The following HELB variants were observed in gnomAD, a reference collection of about 807,000 sequenced individuals.
HELB encodes the protein DNA 5'-3' helicase B.
Under a neutral mutation model 101.7 loss-of-function variants are expected in HELB, and 96 were observed. That is an observed-to-expected ratio of 0.94 (90% CI 0.80 to 1.12). The LOEUF (loss-of-function observed/expected upper bound fraction) is 1.12, where lower values mean the gene tolerates loss of function less well. HELB is among the 50% of genes most tolerant of loss of function. The pLI is 0.00. For synonymous variants in HELB, 437 were observed against 459.7 expected (o/e 0.95, Z 0.63); for missense variants, 1,210 against 1,291.9 (o/e 0.94, Z 0.97).
chr12:66,320,860 T>C (rs1039101586), intron 7 of HELB, among the ~76,000 whole-genome samples: 3 of 151,974 alleles, frequency 2.0e-5, no homozygotes, highest in African/African-American at 4.8e-5. Context: ...GTGAGAAAAA[T>C]GTATATCTTA....
chr12:66,314,221 G>C (rs1257572400), intron 5 of HELB, 58 bp downstream of exon 5: 1 of 1,459,506 alleles, frequency 6.9e-7, no homozygotes, highest in East Asian at 2.7e-5. Flanking sequence ...TGGTTAGTTG[G>C]TTGTTTACAC....
intron 3 of HELB, 43 bp from the exon 4 acceptor site, chr12:66,309,663 A>G (rs932741297): frequency 1.5e-6 from 2 of 1,311,018 alleles, no homozygotes; most frequent in Non-Finnish European, 2.1e-6. Flanking sequence ...ATTCATAAAC[A>G]CTTATGATGT....
intron 6 of HELB, among the ~76,000 whole-genome samples, chr12:66,318,345 C>T (rs2053633070): frequency 6.6e-6 from 1 of 152,134 alleles, no homozygotes; most frequent in African/African-American, 2.4e-5. Context: ...ACCAGGTTTT[C>T]AGAATGGTGC....
Position 66,338,069 on chromosome 12 carries a change from A to G in HELB, c.3231A>G (p.Gln1077=). The change falls in exon 13 of 13, where the codon CAA becomes CAG. Residue 1077 remains glutamine (Q), a synonymous_variant. Coordinates refer to ENST00000247815, the MANE Select transcript of HELB (RefSeq NM_001370285.1). ...GACTGAATAATTTAATTCCCAGGCAACTTTTCAAGCCCACCGATAATCAAG... is the reference window on the plus strand; with the variant it reads ...GACTGAATAATTTAATTCCCAGGCAGCTTTTCAAGCCCACCGATAATCAAG... ...NLRLNNLIPR[Q]LFKPTDNQET 6.2e-7 allele frequency: 1 copy of G among 1,602,436 alleles called. No homozygotes were observed. The highest frequency in any genetic ancestry group is 1.3e-5 in the African/African-American group (1 of 74,756).
At chr12:66,328,950 C>A (rs1336757007) in intron 11 of HELB, among the ~76,000 whole-genome samples, 2 of 152,004 alleles carry the variant, frequency 1.3e-5, no homozygotes, top group Admixed American at 1.3e-4. Flanking sequence ...CAGTGCTGTT[C>A]TAGACTATTT....
downstream of HELB, chr12:66,339,102 A>G (rs564298111): frequency 6.6e-6 from 1 of 152,318 alleles, no homozygotes; most frequent in South Asian, 2.1e-4. Context: ...TAAACATGTG[A>G]GAGTTATTTA....
chr12:66,339,448 T>C (rs909947547), downstream of HELB: 3 of 151,584 alleles, frequency 2.0e-5, no homozygotes, highest in African/African-American at 7.3e-5. Context: ...ACCTGGAACA[T>C]TTTCATACCC....
intron 11 of HELB, among the ~76,000 whole-genome samples, chr12:66,330,721 C>T (rs2053795842): frequency 6.7e-6 from 1 of 148,236 alleles, no homozygotes. Context: ...TTTATCATTA[C>T]ATGTAATATT....
In HELB at chr12:66,309,747, T is replaced by C; in HGVS notation, c.819T>C (p.Ser273=). Residue 273 remains serine, a synonymous_variant, in exon 4 of 13, where the codon AGT becomes AGC. Coordinates refer to ENST00000247815, the MANE Select transcript of HELB (RefSeq NM_001370285.1). ...REWKLLRCEA[S]WIAFCQCESL... ...GGAAACTCCTGCGATGTGAGGCAAG[T>C]TGGATAGCATTTTGTCAGTGTGAGT... is the stretch of plus-strand genomic sequence containing the variant. The C allele has an allele frequency of 1.2e-6, 2 of 1,613,286 alleles. No homozygotes were observed. The highest frequency in any genetic ancestry group is 8.5e-7 in the Non-Finnish European group (1 of 1,179,442).
intron 11 of HELB, among the ~76,000 whole-genome samples, chr12:66,326,492 C>T (rs768781351): frequency 3.3e-5 from 5 of 151,998 alleles, no homozygotes; most frequent in African/African-American, 4.8e-5. Flanking sequence ...CTGCCCATCT[C>T]GGCCTCCCAA....
chr12:66,332,335 A>G (rs546626553), intron 12 of HELB, among the ~76,000 whole-genome samples: 1 of 152,238 alleles, frequency 6.6e-6, no homozygotes, highest in South Asian at 2.1e-4. Context: ...GTAATGTAGC[A>G]TTCCCCCTTT....
intron 11 of HELB, among the ~76,000 whole-genome samples, chr12:66,327,035 C>CAAAAAAAAAAAAA (rs756031862): frequency 4.8e-5 from 2 of 41,702 alleles, no homozygotes; most frequent in Non-Finnish European, 7.9e-5. Context: ...GACTTCATCT[C>CAAAAAAAAAAAAA]AAAAAAAAAA....
intron 2 of HELB, 80 bp from the exon 3 acceptor site, chr12:66,306,265 G>A: frequency 1.8e-6 from 2 of 1,126,416 alleles, no homozygotes; most frequent in South Asian, 2.0e-5. Flanking sequence ...AATCGGTTGT[G>A]CAAAATGAGA....
chr12:66,303,008 T>G (rs1217952920), intron 1 of HELB, among the ~76,000 whole-genome samples: 1 of 151,646 alleles, frequency 6.6e-6, no homozygotes, highest in Non-Finnish European at 1.5e-5. Context: ...TTTCTTTTTT[T>G]GAGCAGCAGC....
rs766080318 is a variant in HELB, at chr12:66,302,574, C to T, written c.-30C>T. ...ACCATGCAGTTAGCCAGGGTTTTCCCGAGTTGTTTGGGTTGAGTTCAGGAG... is the reference window on the plus strand; with the variant it reads ...ACCATGCAGTTAGCCAGGGTTTTCCTGAGTTGTTTGGGTTGAGTTCAGGAG... On this transcript the variant is annotated 5_prime_UTR_variant, in exon 1 of 13. Transcript: ENST00000247815. 6.2e-7 allele frequency: 1 copy of T among 1,600,494 alleles called. No individual in the cohort carries two copies. Among genetic ancestry groups the T allele is most frequent in the African/African-American group, 1.3e-5 (1 of 74,686 alleles).
intron 9 of HELB, 139 bp from the exon 10 acceptor site, chr12:66,323,844 A>G: frequency 1.6e-6 from 1 of 629,920 alleles, no homozygotes; most frequent in Non-Finnish European, 2.8e-6. Flanking sequence ...CTTGTTGCTC[A>G]TTGGAGAATG....
downstream of HELB, chr12:66,342,583 T>G (rs1241803905): frequency 6.6e-6 from 1 of 152,222 alleles, no homozygotes; most frequent in Non-Finnish European, 1.5e-5. Flanking sequence ...TTCGCCGTGT[T>G]AGCCAGAATG....
intron 4 of HELB, 89 bp from the exon 5 acceptor site, chr12:66,313,897 A>T: frequency 1.7e-6 from 2 of 1,160,748 alleles, no homozygotes; most frequent in Non-Finnish European, 2.6e-6. Context: ...CTGCCAATTT[A>T]CGAGTTTTGC....
chr12:66,314,031 A>G lies in HELB; in HGVS notation c.1726A>G (p.Asn576Asp), dbSNP rs750296593. The change falls in exon 5 of 13, where the codon AAC becomes GAC. Residue 576 changes from asparagine to aspartate, a missense_variant. Around this residue, in one of 2 missense-constraint regions of HELB, gnomAD observed 740 missense variants for 728.8 expected, o/e 1.02. Transcript: ENST00000247815. ...ATGGACTCAAACAATGATGACCACA[A>G]ACAAACCATGGAAATTTTCTTCGGT... is the stretch of plus-strand genomic sequence containing the variant. ...YSWTQTMMTT[N>D]KPWKFSSVRV... is the part of the protein sequence containing the mutation. 1.2e-6 allele frequency: 2 copies of G among 1,613,958 alleles called. No individual in the cohort carries two copies. Among genetic ancestry groups the G allele is most frequent in the Non-Finnish European group, 1.7e-6 (2 of 1,179,858 alleles).
Sources: gnomAD v4.1 joint callset for allele counts (sites outside exome capture counted in the v4.1 genomes callset) on GRCh38, gnomAD v4.1.1 for gene constraint, gnomAD v4.1.1 regional missense constraint, MANE v1.5 for transcripts, NCBI Gene and HGNC (gene_info 2026-07-23, HGNC 2026-07-21) for gene names.